The following ILDR1 variants were observed in gnomAD, a reference collection of about 807,000 sequenced individuals.
ILDR1 encodes immunoglobulin-like domain-containing receptor 1.
Under a neutral mutation model 62.4 loss-of-function variants are expected in ILDR1, and 56 were observed. The ratio of observed to expected loss-of-function variants is 0.90; its 90% CI spans 0.72 to 1.12. The LOEUF is 1.12. Among genes scored for constraint, ILDR1 ranks in the 50% most tolerant of loss-of-function variants. The probability of loss-of-function intolerance (pLI) is 0.00; values close to 1 mark genes in which losing one functional copy is unlikely to be tolerated. For missense variants in ILDR1, 736 were observed against 710.6 expected (o/e 1.04, Z -0.41); for synonymous variants, 284 against 277.8 (o/e 1.02, Z -0.22).
At chr3:122,047,837 C>T in the ILDR1 span, among the ~76,000 whole-genome samples, 94 of 152,356 alleles carry the variant, frequency 6.2e-4, no homozygotes, top group African/African-American at 1.8e-3. Flanking sequence ...GAGATAAACC[C>T]GGTACCTCGG....
chr3:121,998,906 C>T (rs926172765), intron 5 of ILDR1, among the ~76,000 whole-genome samples: 1 of 152,182 alleles, frequency 6.6e-6, no homozygotes, highest in Admixed American at 6.5e-5. Context: ...GTCAGATGAA[C>T]ATGGATTCAA....
At chr3:122,055,620 C>A in the ILDR1 span, 1 of 912,082 alleles carries the variant, frequency 1.1e-6, no homozygotes, top group Non-Finnish European at 1.8e-6. Context: ...AGTGGAGAAG[C>A]TTTCTTTTTC....
chr3:122,020,134 T>C (rs1477557692), intron 1 of ILDR1, among the ~76,000 whole-genome samples: 1 of 152,226 alleles, frequency 6.6e-6, no homozygotes, highest in African/African-American at 2.4e-5. Flanking sequence ...GAAACTTGTT[T>C]CCTTAAAGTT....
At chr3:122,003,369 A>G (rs1174977919) in intron 3 of ILDR1, among the ~76,000 whole-genome samples, 1 of 151,964 alleles carries the variant, frequency 6.6e-6, no homozygotes, top group Admixed American at 6.6e-5. Flanking sequence ...CCTACCCGCT[A>G]TTTTCCAAAC....
chr3:122,015,259 C>A (rs1221771069), intron 1 of ILDR1, among the ~76,000 whole-genome samples: 1 of 152,218 alleles, frequency 6.6e-6, no homozygotes, highest in Non-Finnish European at 1.5e-5. Flanking sequence ...AGTTCTAAAT[C>A]AAGCCCAAAA....
the ILDR1 span, among the ~76,000 whole-genome samples, chr3:122,040,872 C>T: frequency 6.6e-6 from 1 of 151,596 alleles, no homozygotes; most frequent in Non-Finnish European, 1.5e-5. Context: ...GGGTACAACA[C>T]CAAAGTCACA....
At chr3:122,042,598 T>C in the ILDR1 span, among the ~76,000 whole-genome samples, 1 of 151,290 alleles carries the variant, frequency 6.6e-6, no homozygotes, top group South Asian at 2.1e-4. Flanking sequence ...GACTTTTAAA[T>C]GATTGCCATT....
chr3:122,042,279 G>A, the ILDR1 span, among the ~76,000 whole-genome samples: 1 of 65,086 alleles, frequency 1.5e-5, no homozygotes, highest in African/African-American at 6.3e-5. Context: ...GTATTCCATG[G>A]TGTATATGTG....
In ILDR1 at chr3:122,022,057, G is replaced by C. The variant is rs950795075; in HGVS notation, c.21C>G (p.Pro7=). The C allele has an allele frequency of 1.2e-6, 2 of 1,610,552 alleles. No homozygotes were observed. Residue 7 remains proline, a synonymous_variant, in exon 1 of 8, where the codon CCC becomes CCG. Transcript: ENST00000344209. ...AGGTGCAGAGCAGCAGCCAAGGTGC[G>C]GGCAGTTTGGGCCATGCCATGCCGC... MAWPKL[P]APWLLLCTWL...
At chr3:122,058,526 G>A in the ILDR1 span, among the ~76,000 whole-genome samples, 1 of 152,134 alleles carries the variant, frequency 6.6e-6, no homozygotes, top group African/African-American at 2.4e-5. Context: ...AGGTTAATGT[G>A]GTTTAAAGTC....
chr3:122,019,735 G>A (rs1020696343), intron 1 of ILDR1, among the ~76,000 whole-genome samples: 6 of 152,164 alleles, frequency 3.9e-5, no homozygotes, highest in Non-Finnish European at 5.9e-5. Flanking sequence ...ACCTAAATAT[G>A]ACACAATTTT....
chr3:122,056,805 T>C, the ILDR1 span, among the ~76,000 whole-genome samples: 1 of 152,180 alleles, frequency 6.6e-6, no homozygotes, highest in Non-Finnish European at 1.5e-5. Flanking sequence ...TATACTTGTA[T>C]GAAGAAAAAA....
At chr3:122,007,607 G>C (rs1012776193) in intron 1 of ILDR1, among the ~76,000 whole-genome samples, 1 of 152,070 alleles carries the variant, frequency 6.6e-6, no homozygotes, top group Non-Finnish European at 1.5e-5. Flanking sequence ...TGCCCTTCTC[G>C]TCTGCCCCGT....
the ILDR1 span, among the ~76,000 whole-genome samples, chr3:122,042,751 T>G: frequency 4.6e-5 from 7 of 152,032 alleles, no homozygotes; most frequent in African/African-American, 1.7e-4. Context: ...CGCCCACTTT[T>G]TGATGGGGTT....
intron 5 of ILDR1, among the ~76,000 whole-genome samples, chr3:121,997,929 A>C (rs1470554516): frequency 6.6e-6 from 1 of 152,094 alleles, no homozygotes; most frequent in East Asian, 1.9e-4. Context: ...CTCCTCTCTA[A>C]TCCTTTTTTA....
intron 5 of ILDR1, among the ~76,000 whole-genome samples, chr3:121,998,807 T>A (rs1043193317): frequency 2.0e-4 from 30 of 152,082 alleles, no homozygotes; most frequent in Non-Finnish European, 4.0e-4. Flanking sequence ...CCACGACTTT[T>A]CCCCTCCTAC....
chr3:122,046,709 A>C, the ILDR1 span, among the ~76,000 whole-genome samples: 1 of 142,822 alleles, frequency 7.0e-6, no homozygotes, highest in African/African-American at 2.6e-5. Flanking sequence ...AGTTGATCGC[A>C]TTGGCTCCTG....
At chr3:121,994,615 C>T (rs1312883298) in intron 5 of ILDR1, among the ~76,000 whole-genome samples, 1 of 152,148 alleles carries the variant, frequency 6.6e-6, no homozygotes, top group African/African-American at 2.4e-5. Context: ...ACCCAAAATG[C>T]ATAGGTAGAT....
intron 1 of ILDR1, among the ~76,000 whole-genome samples, chr3:122,011,645 T>C (rs2071703651): frequency 6.6e-6 from 1 of 150,958 alleles, no homozygotes; most frequent in South Asian, 2.1e-4. Flanking sequence ...CCCCCTGCCC[T>C]GTCTCTCTTT....
Sources: allele counts gnomAD v4.1 joint callset (sites outside exome capture counted in the v4.1 genomes callset), GRCh38; gene constraint gnomAD v4.1.1; transcripts MANE v1.5; gene names NCBI Gene and HGNC (gene_info 2026-07-23, HGNC 2026-07-21).